Variants in PLXDC2 observed in about 807,000 individuals in gnomAD.
PLXDC2 encodes the protein plexin domain containing 2.
A neutral mutation model predicts 68.9 loss-of-function variants in PLXDC2; 40 were observed. That is an observed-to-expected ratio of 0.58 (90% CI 0.45 to 0.76). The LOEUF (loss-of-function observed/expected upper bound fraction) is 0.76, where lower values mean the gene tolerates loss of function less well. Among genes scored for constraint, PLXDC2 ranks in the 30% least tolerant of loss-of-function variants. The pLI, the probability that PLXDC2 is intolerant of heterozygous loss-of-function variation, is 0.00. For missense variants in PLXDC2, 644 were observed against 661.9 expected (o/e 0.97, Z 0.30); for synonymous variants, 243 against 234.2 (o/e 1.04, Z -0.34).
chr10:20,083,966 A>T (rs1252469027), intron 4 of PLXDC2, among the ~76,000 whole-genome samples: 1 of 152,234 alleles, frequency 6.6e-6, no homozygotes, highest in Non-Finnish European at 1.5e-5. Context: ...ATCCCCATTT[A>T]ATTAACCAAT....
chr10:20,022,400 T>C (rs1037083758), intron 2 of PLXDC2, among the ~76,000 whole-genome samples: 3 of 152,030 alleles, frequency 2.0e-5, no homozygotes, highest in African/African-American at 7.3e-5. Context: ...GGGGTGTTAG[T>C]GGAGGGTGAC....
intron 1 of PLXDC2, among the ~76,000 whole-genome samples, chr10:19,894,104 AT>A (rs1838014291): frequency 6.6e-6 from 1 of 152,222 alleles, no homozygotes; most frequent in Non-Finnish European, 1.5e-5. Flanking sequence ...ACCACAGGCT[AT>A]AGTGCAGAAC....
chr10:20,255,250 T>C (rs1407673684), intron 13 of PLXDC2, among the ~76,000 whole-genome samples: 1 of 151,986 alleles, frequency 6.6e-6, no homozygotes, highest in Non-Finnish European at 1.5e-5. Flanking sequence ...AGAAAGATTC[T>C]TAATAGATGA....
chr10:20,231,747 G>T (rs1295227890), intron 12 of PLXDC2, among the ~76,000 whole-genome samples: 2 of 151,930 alleles, frequency 1.3e-5, no homozygotes, highest in Admixed American at 6.6e-5. Flanking sequence ...TGGGCACAGT[G>T]GCTCATGCCT....
chr10:20,196,408 G>C (rs970317556), intron 9 of PLXDC2, among the ~76,000 whole-genome samples: 1 of 152,112 alleles, frequency 6.6e-6, no homozygotes, highest in African/African-American at 2.4e-5. Context: ...ACCTGTGCTA[G>C]GTGCCATGGA....
chr10:20,050,858 A>G (rs1434502483), intron 3 of PLXDC2, among the ~76,000 whole-genome samples: 2 of 152,120 alleles, frequency 1.3e-5, no homozygotes, highest in Non-Finnish European at 2.9e-5. Context: ...CAGAAATACC[A>G]TTCAACCCAG....
At chr10:20,123,515 C>G (rs1189642906) in intron 4 of PLXDC2, among the ~76,000 whole-genome samples, 4 of 152,122 alleles carry the variant, frequency 2.6e-5, no homozygotes, top group African/African-American at 7.2e-5. Context: ...GTATTGGGGT[C>G]AAGTGGCATT....
rs1368277505 is a variant in PLXDC2, at chr10:20,281,314, A to T, written c.*1495A>T. The stretch of plus-strand genomic sequence containing the variant: ...GTTAATATACATACTGAGCTCCTAA[A>T]GTTTAAATTCAGGTACTGAGTGTAC... On this transcript the variant is annotated 3_prime_UTR_variant, in exon 14 of 14. Transcript: ENST00000377252. The T allele has an allele frequency of 6.6e-6, 1 of 152,178 alleles. No homozygotes were observed. The highest frequency in any genetic ancestry group is 6.6e-5 in the Admixed American group (1 of 15,252). 9.4% of individuals were successfully genotyped at this position (152,178 alleles called of 1,614,324 possible).
At chr10:19,976,614 G>A (rs1342037566) in intron 1 of PLXDC2, among the ~76,000 whole-genome samples, 1 of 152,146 alleles carries the variant, frequency 6.6e-6, no homozygotes, top group Non-Finnish European at 1.5e-5. Flanking sequence ...TCATGATGAT[G>A]TGCCCAGATG....
intron 9 of PLXDC2, among the ~76,000 whole-genome samples, chr10:20,185,177 A>C (rs1386223976): frequency 1.3e-5 from 2 of 151,056 alleles, no homozygotes; most frequent in Non-Finnish European, 3.0e-5. Flanking sequence ...AAAAAAAAAA[A>C]AAAAAAAAAA....
At chr10:19,918,156 A>AT (rs1320157382) in intron 1 of PLXDC2, among the ~76,000 whole-genome samples, 3 of 152,126 alleles carry the variant, frequency 2.0e-5, no homozygotes, top group African/African-American at 7.2e-5. Context: ...AGCAGGTCAG[A>AT]TATCCTAGTT....
At chr10:20,137,148 AATCTCCT>A (rs1564329039) in intron 4 of PLXDC2, among the ~76,000 whole-genome samples, 2 of 152,234 alleles carry the variant, frequency 1.3e-5, no homozygotes, top group East Asian at 3.9e-4. Context: ...AAGTTATATA[AATCTCCT>A]AGCATTAGTC....
intron 1 of PLXDC2, among the ~76,000 whole-genome samples, chr10:19,982,466 C>G (rs1336193151): frequency 1.3e-5 from 2 of 152,126 alleles, no homozygotes; most frequent in Non-Finnish European, 2.9e-5. Context: ...CTCTTTGCAG[C>G]CTAATCCAGA....
intron 2 of PLXDC2, among the ~76,000 whole-genome samples, chr10:20,005,106 G>A (rs373066117): frequency 9.3e-4 from 142 of 152,246 alleles, no homozygotes; most frequent in African/African-American, 3.3e-3. Context: ...AAACCCTGCT[G>A]GTATTCAAAT....
rs1834086008 is a variant in PLXDC2 at position 20,146,675 on chromosome 10, T to A, written c.665-1109T>A. Among the ~76,000 whole-genome samples the A allele has an allele frequency of 1.3e-5, 2 of 152,008 alleles. 1 individual carries two copies. Among genetic ancestry groups the A allele is most frequent in the African/African-American group, 4.8e-5 (2 of 41,396 alleles). The stretch of plus-strand genomic sequence containing the variant: ...TTTTTTTTCTTTTTTACTTTTAAAG[T>A]TTTGCCTCAAAAGAAATACATTTCT... On this transcript the variant is annotated intron_variant, in intron 5 of 13. Coordinates refer to ENST00000377252, the MANE Select transcript of PLXDC2 (RefSeq NM_032812.9).
Position 20,282,731 on chromosome 10 carries a change from C to G in PLXDC2, c.*2912C>G, listed in dbSNP as rs1009933398. 4.6e-5 allele frequency: 7 copies of G among 152,070 alleles called. No individual in the cohort carries two copies. The highest frequency in any genetic ancestry group is 1.0e-4 in the Non-Finnish European group (7 of 68,034). The allele number at this position is 152,070 out of a possible 1,614,324, so 9.4% of individuals were successfully genotyped here. A position where few individuals can be genotyped will look rare whatever the true frequency, so the allele number is the denominator to read the frequency against. The stretch of plus-strand genomic sequence containing the variant: ...ACCTCAGGCATAAATGGCTTAAGCC[C>G]AAGAGATGGCACTGACCATAAATGG... On this transcript the variant is annotated 3_prime_UTR_variant, in exon 14 of 14. Transcript: ENST00000377252.
At chr10:19,825,773 A>G (rs931365952) in intron 1 of PLXDC2, among the ~76,000 whole-genome samples, 7 of 152,308 alleles carry the variant, frequency 4.6e-5, no homozygotes, top group Middle Eastern at 3.4e-3. Context: ...TGCTGAATCT[A>G]TTATATCTAT....
At chr10:20,027,553 A>C (rs577993291) in intron 2 of PLXDC2, among the ~76,000 whole-genome samples, 157 of 152,290 alleles carry the variant, frequency 1.0e-3, no homozygotes, top group African/African-American at 3.6e-3. Flanking sequence ...TTATAGCAGC[A>C]CAAATGGACG....
At chr10:19,897,016 C>T (rs1224307623) in intron 1 of PLXDC2, among the ~76,000 whole-genome samples, 1 of 150,992 alleles carries the variant, frequency 6.6e-6, no homozygotes, top group Non-Finnish European at 1.5e-5. Flanking sequence ...GGAAATTTTA[C>T]CCATTTCTTT....
Sources: gnomAD v4.1 joint callset for allele counts (sites outside exome capture counted in the v4.1 genomes callset) on GRCh38, gnomAD v4.1.1 for gene constraint, MANE v1.5 for transcripts, NCBI Gene and HGNC (gene_info 2026-07-23, HGNC 2026-07-21) for gene names.